The following TPP2 variants were observed in gnomAD, a reference collection of about 807,000 sequenced individuals.
TPP2 encodes tripeptidyl peptidase 2.
Under a neutral mutation model 155.9 loss-of-function variants are expected in TPP2, and 34 were observed. The observed-to-expected ratio is 0.22, with a 90% CI of 0.17 to 0.29. The LOEUF is 0.29. Ranked by LOEUF, TPP2 falls within the 10% of genes least tolerant of loss-of-function variation. The pLI, the probability that TPP2 is intolerant of heterozygous loss-of-function variation, is 1.00. For synonymous variants in TPP2, 510 were observed against 529.4 expected, an observed-to-expected ratio of 0.96 and a Z score of 0.50; for missense variants, 1,028 against 1,522.3, an observed-to-expected ratio of 0.68 and a Z score of 5.40.
chr13:102,668,073 T>A (rs1884724255), intron 27 of TPP2, among the ~76,000 whole-genome samples: 1 of 152,224 alleles, frequency 6.6e-6, no homozygotes, highest in African/African-American at 2.4e-5. Flanking sequence ...ACATGAATGA[T>A]CAAAGGTTGG....
chr13:102,608,231 T>C (rs963923301), intron 2 of TPP2, among the ~76,000 whole-genome samples: 6 of 152,242 alleles, frequency 3.9e-5, no homozygotes, highest in African/African-American at 1.4e-4. Flanking sequence ...ACTTTAACAG[T>C]ACATTAATAC....
At chr13:102,607,512 ACT>A (rs1239830994) in intron 2 of TPP2, 12 of 211,136 alleles carry the variant, frequency 5.7e-5, no homozygotes, top group African/African-American at 2.6e-4. Context: ...GAGCTATGGT[ACT>A]CTGAGAAGCT....
chr13:102,641,550 T>A (rs1882769291), intron 16 of TPP2, among the ~76,000 whole-genome samples: 2 of 152,204 alleles, frequency 1.3e-5, no homozygotes, highest in Admixed American at 1.3e-4. Context: ...AATATTGAAA[T>A]CACACATGTA....
At chr13:102,650,263 C>A (rs74763953) in intron 23 of TPP2, among the ~76,000 whole-genome samples, 4,778 of 152,190 alleles carry the variant, frequency 0.031, 268 homozygotes, top group African/African-American at 0.11. Flanking sequence ...TTTTGCATTT[C>A]TCTGTACTAT....
chr13:102,651,737 ATT>A (rs67649317), intron 24 of TPP2, among the ~76,000 whole-genome samples: 1 of 140,222 alleles, frequency 7.1e-6, no homozygotes. Context: ...GGATGTGATA[ATT>A]TTTTTTTTTT....
At chr13:102,613,768 T>TA (rs983280753) in intron 2 of TPP2, among the ~76,000 whole-genome samples, 2 of 152,246 alleles carry the variant, frequency 1.3e-5, no homozygotes, top group East Asian at 1.9e-4. Flanking sequence ...ACTAAAAGTT[T>TA]AAAGTGTTTT....
chr13:102,602,120 A>G (rs1378539065), intron 1 of TPP2, among the ~76,000 whole-genome samples: 1 of 152,184 alleles, frequency 6.6e-6, no homozygotes, highest in African/African-American at 2.4e-5. Flanking sequence ...TCTTAGTGCT[A>G]CTGTATATCT....
Position 102,657,214 on chromosome 13 carries a change from T to G in TPP2, c.3143+7T>G, listed in dbSNP as rs1261247741. Reference sequence around the variant, plus strand: ...AAATTCAGTGGATGACAAAGTAGGTTTTTAAATGTATTTTAATTCTTTAAA... The same window carrying G: ...AAATTCAGTGGATGACAAAGTAGGTGTTTAAATGTATTTTAATTCTTTAAA... On this transcript the variant is annotated splice_region_variant and intron_variant, in intron 25 of 29. Transcript: ENST00000376052. The G allele has an allele frequency of 1.9e-6, 3 of 1,562,580 alleles. No homozygotes were observed. In the African/African-American group the frequency reaches 4.2e-5, roughly 22 times the overall value.
chr13:102,604,906 A>G lies in TPP2; in HGVS notation c.279A>G (p.Ser93=). 6.2e-7 allele frequency: 1 copy of G among 1,613,822 alleles called. No individual in the cohort carries two copies. The change falls in exon 2 of 30, where the codon TCA becomes TCG. Residue 93 remains serine (S), a synonymous_variant. Transcript: ENST00000376052. The part of the protein sequence containing the change: ...EPKDGEIVGL[S]GRVLKIPASW... ...AGGATGGTGAGATTGTTGGCCTTTC[A>G]GGAAGAGTGCTTAAGGTGAGACCTT... is the stretch of plus-strand genomic sequence containing the variant.
intron 8 of TPP2, 54 bp downstream of exon 8, chr13:102,627,978 T>C (rs1413866054): frequency 1.4e-6 from 2 of 1,423,750 alleles, no homozygotes; most frequent in Non-Finnish European, 2.0e-6. Context: ...GTGAAGAGTA[T>C]GAGATGTTTT....
At position 102,604,822 on chromosome 13, in the gene TPP2, T is replaced by C. The variant is rs1461253976; in HGVS notation, c.195T>C (p.Val65=). 5 of 1,611,976 alleles carry C rather than the reference T, an allele frequency of 3.1e-6. No individual in the cohort carries two copies. Among genetic ancestry groups the C allele is most frequent in the Non-Finnish European group, 3.4e-6 (4 of 1,179,576 alleles). Residue 65 remains valine, a synonymous_variant, in exon 2 of 30, where the codon GTT becomes GTC. Coordinates refer to ENST00000376052, the MANE Select transcript of TPP2 (RefSeq NM_001330588.2). The part of the protein sequence containing the change: ...QVTTDGKPKI[V]DIIDTTGSGD... Reference sequence around the variant, plus strand: ...CAACTGATGGAAAACCAAAAATCGTTGATATCATTGATACAACAGGAAGTG... The same window carrying C: ...CAACTGATGGAAAACCAAAAATCGTCGATATCATTGATACAACAGGAAGTG...
Position 102,664,910 on chromosome 13 carries a change from C to T in TPP2, c.3356C>T (p.Ala1119Val). 6.2e-7 allele frequency: 1 copy of T among 1,612,180 alleles called. No individual in the cohort carries two copies. Among genetic ancestry groups the T allele is most frequent in the Non-Finnish European group, 8.5e-7 (1 of 1,179,444 alleles). ...IAMKTDPRPDAATIKNDMDKQ... is the reference protein window; with the variant it reads ...IAMKTDPRPDVATIKNDMDKQ... Reference sequence around the variant, plus strand: ...ATGAAGACTGATCCCAGGCCTGATGCAGCTACTATAAAAAAGTACCTAACC... The same window carrying T: ...ATGAAGACTGATCCCAGGCCTGATGTAGCTACTATAAAAAAGTACCTAACC... The change falls in exon 27 of 30, where the codon GCA becomes GTA. Residue 1119 changes from alanine (A) to valine (V), a missense_variant. Ala to Val is a moderately conservative substitution (Grantham distance 64, BLOSUM62 0). Coordinates refer to ENST00000376052, the MANE Select transcript of TPP2 (RefSeq NM_001330588.2).
chr13:102,609,420 G>A lies in TPP2; in HGVS notation c.294+4499G>A, dbSNP rs1288966047. On this transcript the variant is annotated intron_variant, in intron 2 of 29. Transcript: ENST00000376052. ...TTTTTTTTTTTTTTTTTTTTGAGAC[G>A]GAGTTTTGGTCTTGTTGCCCAGACT... Among the ~76,000 whole-genome samples the A allele has an allele frequency of 8.7e-5, 10 of 114,922 alleles. No individual in the cohort carries two copies. The East Asian group carries it at 1.0e-3, about 12-fold the overall frequency. 75.4% of individuals were successfully genotyped at this position (114,922 alleles called of 152,430 possible).
At position 102,636,245 on chromosome 13, in the gene TPP2, C is replaced by G. The variant is rs779709861; in HGVS notation, c.1531C>G (p.Leu511Val). The change falls in exon 13 of 30, where the codon CTC becomes GTC. Residue 511 changes from leucine to valine, a missense_variant. Transcript: ENST00000376052. ...IIQVDKAYDYLVQNTSFANKL... is the reference protein window; with the variant it reads ...IIQVDKAYDYVVQNTSFANKL... ...CTAGGTTGATAAAGCCTATGACTACCTCGTTCAGAATACATCATTTGCTAA... is the reference window on the plus strand; with the variant it reads ...CTAGGTTGATAAAGCCTATGACTACGTCGTTCAGAATACATCATTTGCTAA... 5 of 1,611,730 alleles carry G rather than the reference C, an allele frequency of 3.1e-6. No individual in the cohort carries two copies. In the East Asian group the frequency reaches 1.1e-4, roughly 36 times the overall value.
intron 17 of TPP2, among the ~76,000 whole-genome samples, chr13:102,643,952 G>T (rs1390580010): frequency 6.6e-6 from 1 of 152,006 alleles, no homozygotes; most frequent in Non-Finnish European, 1.5e-5. Flanking sequence ...TTGGTTTCTG[G>T]TTACTTTCAT....
Position 102,627,080 on chromosome 13 carries a change from G to A in TPP2, c.853G>A (p.Val285Ile). The change falls in exon 7 of 30, where the codon GTA becomes ATA. Residue 285 changes from valine to isoleucine, a missense_variant. Physicochemically the swap from Val to Ile is conservative, Grantham distance 29 (BLOSUM62 3). Transcript: ENST00000376052. ...HFPEEPERNG[V>I]APGAQILSIK... ...TCCAGAAGAACCTGAACGGAATGGG[G>A]TAGCTCCTGGTGCTCAAATTCTTTC... The A allele has an allele frequency of 1.3e-6, 2 of 1,599,664 alleles. No individual in the cohort carries two copies. Among genetic ancestry groups the A allele is most frequent in the Non-Finnish European group, 8.5e-7 (1 of 1,172,918 alleles).
chr13:102,661,162 A>G (rs932111655), intron 25 of TPP2, among the ~76,000 whole-genome samples: 2 of 152,160 alleles, frequency 1.3e-5, no homozygotes, highest in South Asian at 2.1e-4. Context: ...TGCTTTTAGC[A>G]TAGCATCAAG....
chr13:102,649,245 G>A lies in TPP2; in HGVS notation c.2873+94G>A. 8 of 1,497,800 alleles carry A rather than the reference G, an allele frequency of 5.3e-6. No homozygotes were observed. The South Asian group carries it at 1.1e-4, about 21-fold the overall frequency. 92.8% of individuals were successfully genotyped at this position (1,497,800 alleles called of 1,614,324 possible). A position where few individuals can be genotyped will look rare whatever the true frequency, so the allele number is the denominator to read the frequency against. ...GACATCTAGGCTAAATTTAGAGGATGTAGTCATTTTTTTTTTGGCTGAAGT... is the reference window on the plus strand; with the variant it reads ...GACATCTAGGCTAAATTTAGAGGATATAGTCATTTTTTTTTTGGCTGAAGT... On this transcript the variant is annotated intron_variant, in intron 22 of 29. Coordinates refer to ENST00000376052, the MANE Select transcript of TPP2 (RefSeq NM_001330588.2).
chr13:102,609,228 A>G (rs1476623315), intron 2 of TPP2, among the ~76,000 whole-genome samples: 1 of 152,000 alleles, frequency 6.6e-6, no homozygotes, highest in Non-Finnish European at 1.5e-5. Context: ...GGAATTTATG[A>G]AGAAAAGAGG....
Sources: gnomAD v4.1 joint callset for allele counts (sites outside exome capture counted in the v4.1 genomes callset) on GRCh38, gnomAD v4.1.1 for gene constraint, MANE v1.5 for transcripts, NCBI Gene and HGNC (gene_info 2026-07-23, HGNC 2026-07-21) for gene names.